Variants in MKI67 observed in about 807,000 individuals in gnomAD.
MKI67 encodes the protein marker of proliferation Ki-67.
Under a neutral mutation model 233.5 loss-of-function variants are expected in MKI67, and 152 were observed. The observed-to-expected ratio is 0.65, with a 90% CI of 0.57 to 0.74. The LOEUF (loss-of-function observed/expected upper bound fraction) is 0.74. Ranked by LOEUF, MKI67 falls within the 30% of genes least tolerant of loss-of-function variation. The pLI is 0.00. For synonymous variants in MKI67, 1,465 were observed against 1,418.5 expected, an observed-to-expected ratio of 1.03 and a Z score of -0.74; for missense variants, 3,940 against 3,885.2, an observed-to-expected ratio of 1.01 and a Z score of -0.37.
Position 128,110,467 on chromosome 10 carries a change from G to T in MKI67, c.2327C>A (p.Ala776Asp). 1 of 1,589,344 alleles carries T rather than the reference G, an allele frequency of 6.3e-7. No individual in the cohort carries two copies. The highest frequency in any genetic ancestry group is 1.1e-5 in the South Asian group (1 of 89,206). Reference sequence around the variant, plus strand: ...AAGCAAATTCTCTGAATTTGAAATAGCGATGTGACATGTGCTTGTCAACTG... The same window carrying T: ...AAGCAAATTCTCTGAATTTGAAATATCGATGTGACATGTGCTTGTCAACTG... ...QPQLTSTCHIAISNSENLLGK... is the reference protein window; with the variant it reads ...QPQLTSTCHIDISNSENLLGK... Residue 776 changes from alanine to aspartate, a missense_variant, in exon 12 of 15, where the codon GCT becomes GAT. Coordinates refer to ENST00000368654, the MANE Select transcript of MKI67 (RefSeq NM_002417.5).
chr10:128,115,306 T>C lies in MKI67; in HGVS notation c.1102A>G (p.Thr368Ala), dbSNP rs746145980. 1 of 1,614,046 alleles carries C rather than the reference T, an allele frequency of 6.2e-7. No individual in the cohort carries two copies. Among genetic ancestry groups the C allele is most frequent in the East Asian group, 2.2e-5 (1 of 44,894 alleles). Residue 368 changes from threonine to alanine, a missense_variant, in exon 7 of 15, where the codon ACT (threonine) becomes GCT (alanine). Physicochemically the swap from Thr to Ala is moderately conservative, Grantham distance 58. Coordinates refer to ENST00000368654, the MANE Select transcript of MKI67 (RefSeq NM_002417.5). Reference sequence around the variant, plus strand: ...TTCACAGATTCTCTTCTACCAGTAGTATACAGGTCTTTGTTCTTATGTTTT... The same window carrying C: ...TTCACAGATTCTCTTCTACCAGTAGCATACAGGTCTTTGTTCTTATGTTTT... ...PQKHKNKDLY[T>A]TGRRESVNLG...
rs758778411 is a variant in MKI67 at position 128,116,050 on chromosome 10, TTC to T, written c.401-45_401-44del. ...AAATAAGAAACAGAAGTTCAGCATT[TTC>T]TCAATGATTAACATTTGTGGAATTC... On this transcript the variant is annotated intron_variant, in intron 6 of 14. Transcript: ENST00000368654. 4.0e-6 allele frequency: 6 copies of T among 1,517,862 alleles called. No homozygotes were observed. The African/African-American group carries it at 8.4e-5, about 21-fold the overall frequency. 94.0% of individuals were successfully genotyped at this position (1,517,862 alleles called of 1,614,324 possible).
Position 128,107,305 on chromosome 10 carries a change from T to A in MKI67, c.4535A>T (p.Lys1512Met). The change falls in exon 13 of 15, where the codon AAG (lysine) becomes ATG (methionine). Residue 1512 changes from lysine (K) to methionine (M), a missense_variant. Transcript: ENST00000368654. ...DTPTSSKPQS[K>M]RSLRKVDVEE... ...TACGTCCACTTTCCTGAGACTTCTC[T>A]TGGACTGTGGCTTGGAGCTTGTTGG... 1.2e-6 allele frequency: 2 copies of A among 1,614,198 alleles called. No homozygotes were observed. Among genetic ancestry groups the A allele is most frequent in the Non-Finnish European group, 1.7e-6 (2 of 1,180,038 alleles).
chr10:128,124,921 C>G (rs567576873), intron 2 of MKI67, among the ~76,000 whole-genome samples: 1 of 76,254 alleles, frequency 1.3e-5, no homozygotes, highest in Non-Finnish European at 3.1e-5. Flanking sequence ...AGGGTGAGGC[C>G]GGGATGGGGT....
chr10:128,111,785 C>T lies in MKI67; in HGVS notation c.2120G>A (p.Ser707Asn). The T allele has an allele frequency of 6.2e-7, 1 of 1,613,040 alleles. No homozygotes were observed. ...ACAAGGAGAGTTTGCGTGGCCTGTA[C>T]TAAATTGACTGTGAACTTCGCCCAC... is the stretch of plus-strand genomic sequence containing the variant. Reference protein sequence around the residue: ...KPVGEVHSQFSTGHANSPCTI... With the variant: ...KPVGEVHSQFNTGHANSPCTI... The change falls in exon 11 of 15, where the codon AGT (serine) becomes AAT (asparagine). Residue 707 changes from serine (S) to asparagine (N), a missense_variant. By Grantham distance (46) the Ser-to-Asn change is conservative (BLOSUM62 1). Coordinates refer to ENST00000368654, the MANE Select transcript of MKI67 (RefSeq NM_002417.5).
At position 128,113,461 on chromosome 10, in the gene MKI67, A is replaced by G. The variant is rs147051911; in HGVS notation, c.1622T>C (p.Met541Thr). The part of the protein sequence containing the change: ...EAPTKRKSLV[M>T]HTPPVLKKII... Reference sequence around the variant, plus strand: ...TTTCTTCAGGACAGGTGGAGTGTGCATTACCAGAGACTTTCTTTTGGTTGG... The same window carrying G: ...TTTCTTCAGGACAGGTGGAGTGTGCGTTACCAGAGACTTTCTTTTGGTTGG... The change falls in exon 8 of 15, where the codon ATG becomes ACG. Residue 541 changes from methionine (M) to threonine (T), a missense_variant. Met to Thr is a moderately conservative substitution (Grantham distance 81, BLOSUM62 -1). Coordinates refer to ENST00000368654, the MANE Select transcript of MKI67 (RefSeq NM_002417.5). 4 of 1,614,096 alleles carry G rather than the reference A, an allele frequency of 2.5e-6. No individual in the cohort carries two copies. The highest frequency in any genetic ancestry group is 2.2e-5 in the South Asian group (2 of 91,094).
At chr10:128,102,397 A>T (rs1445437712) in intron 13 of MKI67, among the ~76,000 whole-genome samples, 182 bp downstream of exon 13, 2 of 152,194 alleles carry the variant, frequency 1.3e-5, no homozygotes, top group African/African-American at 4.8e-5. Flanking sequence ...TTCCCATATT[A>T]GTCTATTCCC....
chr10:128,097,429 G>A lies in MKI67; in HGVS notation c.*1761C>T, dbSNP rs76938412. 1 of 152,244 alleles carries A rather than the reference G, an allele frequency of 6.6e-6. No individual in the cohort carries two copies. Among genetic ancestry groups the A allele is most frequent in the East Asian group, 1.9e-4 (1 of 5,176 alleles). 9.4% of individuals were successfully genotyped at this position (152,244 alleles called of 1,614,324 possible). A position where few individuals can be genotyped will look rare whatever the true frequency, so the allele number is the denominator to read the frequency against. ...TGCTCTTGAAATACTGTACTTACCA[G>A]GGTGAGAAAAGGTGCTGACATACTT... On this transcript the variant is annotated 3_prime_UTR_variant, in exon 15 of 15. Transcript: ENST00000368654.
At position 128,115,507 on chromosome 10, in the gene MKI67, G is replaced by T. The variant is rs1200267835; in HGVS notation, c.901C>A (p.His301Asn). The change falls in exon 7 of 15, where the codon CAC becomes AAC. Residue 301 changes from histidine to asparagine, a missense_variant. Physicochemically the swap from His to Asn is moderately conservative, Grantham distance 68. Transcript: ENST00000368654. Reference protein sequence around the residue: ...KSRPKSGGSGHAVAEPASPEQ... With the variant: ...KSRPKSGGSGNAVAEPASPEQ... ...GGTGAAGCAGGCTCTGCCACAGCGT[G>T]GCCGCTCCCACCAGATTTTGGTCTT... 19 of 1,614,056 alleles carry T rather than the reference G, an allele frequency of 1.2e-5. 1 individual carries two copies. The Admixed American group carries it at 3.2e-4, about 27-fold the overall frequency.
rs758249634 is a variant in MKI67 at position 128,106,685 on chromosome 10, T to C, written c.5155A>G (p.Thr1719Ala). ...ATTGATTCCTTAGTGTGACTTGGTGTCTGGAAGAGCTCGATGAAGCCGGCC... is the reference window on the plus strand; with the variant it reads ...ATTGATTCCTTAGTGTGACTTGGTGCCTGGAAGAGCTCGATGAAGCCGGCC... The part of the protein sequence containing the change: ...DLAGFIELFQ[T>A]PSHTKESMTN... Residue 1719 changes from threonine to alanine, a missense_variant, in exon 13 of 15, where the codon ACA (threonine) becomes GCA (alanine). Thr to Ala is a moderately conservative substitution (Grantham distance 58). Coordinates refer to ENST00000368654, the MANE Select transcript of MKI67 (RefSeq NM_002417.5). 6.2e-7 allele frequency: 1 copy of C among 1,614,210 alleles called. No individual in the cohort carries two copies.
chr10:128,118,237 A>G (rs1053011330), intron 5 of MKI67, among the ~76,000 whole-genome samples: 21 of 151,996 alleles, frequency 1.4e-4, no homozygotes, highest in Non-Finnish European at 2.6e-4. Context: ...CTCTACTAAA[A>G]ATACAAAAAT....
In MKI67 at chr10:128,103,052, G is replaced by A. The variant is rs746190428; in HGVS notation, c.8788C>T (p.His2930Tyr). The change falls in exon 13 of 15, where the codon CAC (histidine) becomes TAC (tyrosine). Residue 2930 changes from histidine to tyrosine, a missense_variant. His to Tyr is a moderately conservative substitution (Grantham distance 83). Coordinates refer to ENST00000368654, the MANE Select transcript of MKI67 (RefSeq NM_002417.5). ...GCACCATTTGCCAGTTCCTCAGTGT[G>A]GCCTGGTGTTTGAGAGAGCTCTTGG... ...SFQELSQTPG[H>Y]TEELANGAAD... 1 of 1,614,236 alleles carries A rather than the reference G, an allele frequency of 6.2e-7. No homozygotes were observed. Among genetic ancestry groups the A allele is most frequent in the South Asian group, 1.1e-5 (1 of 91,086 alleles).
chr10:128,103,817 G>A lies in MKI67; in HGVS notation c.8023C>T (p.Pro2675Ser). The change falls in exon 13 of 15, where the codon CCC becomes TCC. Residue 2675 changes from proline to serine, a missense_variant. By Grantham distance (74) the Pro-to-Ser change is moderately conservative. Transcript: ENST00000368654. ...GTGAAGCCGGCCAGGTCTTCCAGGG[G>A]TTGGGCCTTTTCCTTAGGTGCTCTT... Reference protein sequence around the residue: ...RPRAPKEKAQPLEDLAGFTEL... With the variant: ...RPRAPKEKAQSLEDLAGFTEL... 1 of 1,612,448 alleles carries A rather than the reference G, an allele frequency of 6.2e-7. No individual in the cohort carries two copies. Among genetic ancestry groups the A allele is most frequent in the Non-Finnish European group, 8.5e-7 (1 of 1,179,586 alleles).
intron 5 of MKI67, among the ~76,000 whole-genome samples, chr10:128,118,885 G>A (rs1273259000): frequency 2.0e-5 from 3 of 152,082 alleles, no homozygotes; most frequent in Admixed American, 6.6e-5. Flanking sequence ...ACATAAAGAC[G>A]GATGAGTACA....
intron 14 of MKI67, 146 bp downstream of exon 14, chr10:128,101,112 A>T: frequency 1.4e-6 from 1 of 727,984 alleles, no homozygotes. Context: ...TTTATGTCTT[A>T]GCATAATGCT....
rs1020169508 is a variant in MKI67, at chr10:128,125,984, G to A, written c.-90+115C>T. 6 of 390,360 alleles carry A rather than the reference G, an allele frequency of 1.5e-5. No individual in the cohort carries two copies. Among genetic ancestry groups the A allele is most frequent in the Admixed American group, 4.0e-5 (1 of 24,808 alleles). The allele number at this position is 390,360 out of a possible 1,614,324, so 24.2% of individuals were successfully genotyped here. A position where few individuals can be genotyped will look rare whatever the true frequency, so the allele number is the denominator to read the frequency against. ...GAGACGCCCTCGCCAGAGCCCAGGA[G>A]GAGTCGGGCCCAGGCCGCGCGTCTG... On this transcript the variant is annotated intron_variant, in intron 1 of 14. Transcript: ENST00000368654. This position sits in a 1 kb window ranked among gnomAD's most constrained non-coding sequence, Gnocchi z 5.3.
Position 128,102,788 on chromosome 10 carries a change from G to C in MKI67, c.9052C>G (p.Pro3018Ala), listed in dbSNP as rs746816358. 4 of 1,614,154 alleles carry C rather than the reference G, an allele frequency of 2.5e-6. No homozygotes were observed. In the Admixed American group the frequency reaches 5.0e-5, roughly 20 times the overall value. Residue 3018 changes from proline to alanine, a missense_variant, in exon 13 of 15, where the codon CCA becomes GCA. Transcript: ENST00000368654. Reference protein sequence around the residue: ...GTKRLRCMPAPEEIVEELPAS... With the variant: ...GTKRLRCMPAAEEIVEELPAS... ...GGCAGCTCCTCCACAATTTCCTCTG[G>C]TGCTGGCATGCAGCGCAGCCTCTTG...
Position 128,103,095 on chromosome 10 carries a change from C to T in MKI67, c.8745G>A (p.Leu2915=). 1 of 1,614,230 alleles carries T rather than the reference C, an allele frequency of 6.2e-7. No homozygotes were observed. Among genetic ancestry groups the T allele is most frequent in the Non-Finnish European group, 8.5e-7 (1 of 1,180,048 alleles). The change falls in exon 13 of 15, where the codon CTG becomes CTA. Residue 2915 remains leucine, a synonymous_variant. Transcript: ENST00000368654. ...PRAPKEKAQP[L]EDLASFQELS... is the part of the protein sequence containing the mutation. ...GCTCTTGGAAGCTGGCCAGATCTTC[C>T]AGGGGTTGGGCCTTTTCCTTAGGTG...
chr10:128,113,619 A>G lies in MKI67; in HGVS notation c.1481-17T>C, dbSNP rs1264976776. 2 of 1,608,052 alleles carry G rather than the reference A, an allele frequency of 1.2e-6. No homozygotes were observed. Among genetic ancestry groups the G allele is most frequent in the Non-Finnish European group, 1.7e-6 (2 of 1,175,616 alleles). Reference sequence around the variant, plus strand: ...CACTCTCATCTAAAGTAACGGATACAAATGTGGAAAGAGCAATGAAAAAAC... The same window carrying G: ...CACTCTCATCTAAAGTAACGGATACGAATGTGGAAAGAGCAATGAAAAAAC... On this transcript the variant is annotated splice_polypyrimidine_tract_variant and intron_variant, in intron 7 of 14. Coordinates refer to ENST00000368654, the MANE Select transcript of MKI67 (RefSeq NM_002417.5).
Sources: allele counts gnomAD v4.1 joint callset (sites outside exome capture counted in the v4.1 genomes callset), GRCh38; gene constraint gnomAD v4.1.1; non-coding constraint Gnocchi (gnomAD v3.1); transcripts MANE v1.5; gene names NCBI Gene and HGNC (gene_info 2026-07-23, HGNC 2026-07-21).